The following INPP5B variants were observed in gnomAD, a reference collection of about 807,000 sequenced individuals.
INPP5B encodes inositol polyphosphate-5-phosphatase B, also known as type II inositol 1,4,5-trisphosphate 5-phosphatase.
INPP5B carries 90 observed loss-of-function variants against 118.5 expected under a neutral mutation model. The observed-to-expected ratio is 0.76, with a 90% CI of 0.64 to 0.90. The LOEUF (loss-of-function observed/expected upper bound fraction) is 0.90, where lower values mean the gene tolerates loss of function less well. Among genes scored for constraint, INPP5B ranks in the 40% least tolerant of loss-of-function variants. INPP5B has a pLI of 0.00. For synonymous variants in INPP5B, 385 were observed against 418.9 expected, an observed-to-expected ratio of 0.92 and a Z score of 0.99; for missense variants, 984 against 1,125.6, an observed-to-expected ratio of 0.87 and a Z score of 1.80.
At chr1:37,868,424 T>C in intron 20 of INPP5B, 77 bp downstream of exon 20, 1 of 881,864 alleles carries the variant, frequency 1.1e-6, no homozygotes, top group African/African-American at 1.6e-5. Context: ...AGTTTCCTTA[T>C]GAAAAAAGTT....
At chr1:37,944,584 G>GT (rs71057107) in intron 3 of INPP5B, among the ~76,000 whole-genome samples, 3,159 of 143,140 alleles carry the variant, frequency 0.022, 45 homozygotes, top group South Asian at 0.056. Context: ...CATGGTGTTC[G>GT]TTTTTTTTTT....
At chr1:37,914,658 T>C (rs1034922401) in intron 7 of INPP5B, among the ~76,000 whole-genome samples, 3 of 152,200 alleles carry the variant, frequency 2.0e-5, no homozygotes, top group Admixed American at 6.5e-5. Flanking sequence ...TCAGGAGTTA[T>C]CTTCAAAAAA....
At chr1:37,892,692 C>A (rs1046254185) in intron 7 of INPP5B, among the ~76,000 whole-genome samples, 3 of 152,186 alleles carry the variant, frequency 2.0e-5, no homozygotes, top group Non-Finnish European at 4.4e-5. Context: ...AATAATTACA[C>A]CTCAATGCCT....
intron 16 of INPP5B, among the ~76,000 whole-genome samples, chr1:37,876,186 C>T (rs1642791149): frequency 6.6e-6 from 1 of 151,678 alleles, no homozygotes; most frequent in Non-Finnish European, 1.5e-5. Flanking sequence ...TCACTGCAAC[C>T]TCCGCCTTCT....
At position 37,917,697 on chromosome 1, in the gene INPP5B, C is replaced by T. The variant is rs966078466; in HGVS notation, c.532+14216G>A. 5.9e-5 allele frequency among the ~76,000 whole-genome samples: 9 copies of T among 152,122 alleles called. No homozygotes were observed. In the South Asian group the frequency reaches 1.2e-3, roughly 21 times the overall value. On this transcript the variant is annotated intron_variant, in intron 7 of 23. Transcript: ENST00000373024. ...GTAATCCCAGCACTTTGGGAGTTCACGATGGGAGGATGGCTTGGGACCAGG... is the reference window on the plus strand; with the variant it reads ...GTAATCCCAGCACTTTGGGAGTTCATGATGGGAGGATGGCTTGGGACCAGG...
At chr1:37,871,147 G>C (rs1396575954) in intron 19 of INPP5B, among the ~76,000 whole-genome samples, 5 of 111,350 alleles carry the variant, frequency 4.5e-5, no homozygotes, top group Non-Finnish European at 8.6e-5. Flanking sequence ...GACAGAGTAA[G>C]ACTGTCTCAA....
chr1:37,917,569 C>T (rs1364632511), intron 7 of INPP5B, among the ~76,000 whole-genome samples: 2 of 151,652 alleles, frequency 1.3e-5, no homozygotes, highest in Admixed American at 6.6e-5. Context: ...AGCAATCAGC[C>T]TGCCTAGGCC....
chr1:37,939,499 C>T (rs1645833427), intron 6 of INPP5B, among the ~76,000 whole-genome samples: 1 of 147,772 alleles, frequency 6.8e-6, no homozygotes, highest in Non-Finnish European at 1.5e-5. Context: ...GGCTGGAGTG[C>T]AGTGGCGCAA....
intron 9 of INPP5B, 31 bp from the exon 10 acceptor site, chr1:37,888,375 C>G: frequency 7.4e-6 from 10 of 1,348,976 alleles, no homozygotes; most frequent in Non-Finnish European, 1.0e-5. Flanking sequence ...TTAGTGACTC[C>G]GAATCACTAT....
rs1321295627 is a variant in INPP5B at position 37,885,679 on chromosome 1, C to G, written c.1278G>C (p.Gln426His). Residue 426 changes from glutamine to histidine, a missense_variant, in exon 13 of 24, where the codon CAG becomes CAC. By Grantham distance (24) the Gln-to-His change is conservative. Around this residue, in one of 2 missense-constraint regions of INPP5B, gnomAD observed 634 missense variants for 791.0 expected, o/e 0.80. Coordinates refer to ENST00000373024, the MANE Select transcript of INPP5B (RefSeq NM_005540.3). ...KDICSRMQFC[Q>H]PDPSLPPLTI... ...TGAGAGGGGGAAGGCTTGGGTCAGG[C>G]TGACAAAACTGCATTCGAGAACAAA... is the stretch of plus-strand genomic sequence containing the variant. 2 of 1,614,100 alleles carry G rather than the reference C, an allele frequency of 1.2e-6. No homozygotes were observed. Among genetic ancestry groups the G allele is most frequent in the Admixed American group, 1.7e-5 (1 of 60,008 alleles).
intron 7 of INPP5B, among the ~76,000 whole-genome samples, chr1:37,922,404 T>C (rs1557701269): frequency 2.0e-5 from 3 of 151,190 alleles, no homozygotes; most frequent in African/African-American, 7.3e-5. Context: ...TGAAATAAGC[T>C]GGGCTCCGTT....
intron 8 of INPP5B, 68 bp downstream of exon 8, chr1:37,891,290 A>T: frequency 8.8e-7 from 1 of 1,137,220 alleles, no homozygotes; most frequent in Non-Finnish European, 1.3e-6. Flanking sequence ...ATTATACCCA[A>T]AATGGTCTCA....
intron 7 of INPP5B, among the ~76,000 whole-genome samples, chr1:37,915,074 T>C (rs61776680): frequency 0.091 from 13,785 of 152,270 alleles, 795 homozygotes; most frequent in Middle Eastern, 0.23. Context: ...AAGTGTTCTA[T>C]TTTTCTTGCA....
intron 6 of INPP5B, among the ~76,000 whole-genome samples, chr1:37,932,695 C>G (rs1645536070): frequency 6.6e-6 from 1 of 152,048 alleles, no homozygotes; most frequent in African/African-American, 2.4e-5. Context: ...TACAAGGCAA[C>G]CAAGTTCAGA....
At chr1:37,887,530 T>C (rs1643612913) in intron 10 of INPP5B, 65 bp from the exon 11 acceptor site, 5 of 943,368 alleles carry the variant, frequency 5.3e-6, no homozygotes, top group South Asian at 4.3e-5. Flanking sequence ...CATTCTCAGA[T>C]TGGTTTAGGT....
chr1:37,879,009 G>A (rs1226140379), intron 15 of INPP5B, among the ~76,000 whole-genome samples: 1 of 148,860 alleles, frequency 6.7e-6, no homozygotes, highest in Non-Finnish European at 1.5e-5. Context: ...TGTAATCCCA[G>A]CACTTTGGGA....
At chr1:37,945,693 T>G in intron 3 of INPP5B, 63 bp downstream of exon 3, 1 of 1,152,500 alleles carries the variant, frequency 8.7e-7, no homozygotes, top group Non-Finnish European at 1.3e-6. Context: ...GAAGTTCAGC[T>G]GGAGGGTGCA....
In INPP5B at chr1:37,945,790, G is replaced by T. The variant is rs746857492; in HGVS notation, c.118C>A (p.Arg40Ser). Residue 40 changes from arginine (R) to serine (S), a missense_variant, in exon 3 of 24, where the codon CGC becomes AGC. By Grantham distance (110) the Arg-to-Ser change is moderately radical (BLOSUM62 -1). This residue lies in a region of INPP5B where 350 missense variants were observed against 334.6 expected (regional missense o/e 1.05). Transcript: ENST00000373024. ...SRQSRLLGLV[R>S]YRLEHGGQEH... Reference sequence around the variant, plus strand: ...TGGCCGCCGTGCTCCAGGCGGTAGCGCACGAGTCCCAGGAGGCGGCTCTGC... The same window carrying T: ...TGGCCGCCGTGCTCCAGGCGGTAGCTCACGAGTCCCAGGAGGCGGCTCTGC... 3.5e-5 allele frequency: 56 copies of T among 1,613,884 alleles called. No individual in the cohort carries two copies. Among genetic ancestry groups the T allele is most frequent in the Non-Finnish European group, 4.6e-5 (54 of 1,179,964 alleles).
chr1:37,917,033 G>A (rs1644888242), intron 7 of INPP5B, among the ~76,000 whole-genome samples: 3 of 150,840 alleles, frequency 2.0e-5, no homozygotes, highest in East Asian at 2.1e-4. Context: ...GCTCATGCCT[G>A]TAATCCTAGC....
Sources: gnomAD v4.1 joint callset for allele counts (sites outside exome capture counted in the v4.1 genomes callset) on GRCh38, gnomAD v4.1.1 for gene constraint, gnomAD v4.1.1 regional missense constraint, MANE v1.5 for transcripts, NCBI Gene and HGNC (gene_info 2026-07-23, HGNC 2026-07-21) for gene names.